PPFIA4: variants seen among roughly 807,000 people sequenced by gnomAD.
PPFIA4 encodes the protein liprin-alpha-4.
PPFIA4 carries 98 observed loss-of-function variants against 145.7 expected under a neutral mutation model. The observed-to-expected ratio is 0.67, with a 90% CI of 0.57 to 0.80. PPFIA4 has a LOEUF of 0.80. PPFIA4 is among the 30% of genes least tolerant of loss of function. PPFIA4 has a pLI of 0.00. For missense variants in PPFIA4, 1,457 were observed against 1,632.7 expected, an observed-to-expected ratio of 0.89 and a Z score of 1.85; for synonymous variants, 628 against 649.6, an observed-to-expected ratio of 0.97 and a Z score of 0.51.
At chr1:203,045,662 C>G in intron 7 of PPFIA4, 103 bp downstream of exon 7, 1 of 1,451,306 alleles carries the variant, frequency 6.9e-7, no homozygotes, top group Admixed American at 2.2e-5. Context: ...TGCCTCCTTG[C>G]CTGGCTCCAT....
At chr1:203,071,602 C>T in intron 27 of PPFIA4, 90 bp from the exon 28 acceptor site, 1 of 1,064,718 alleles carries the variant, frequency 9.4e-7, no homozygotes, top group Admixed American at 2.0e-5. Context: ...CATCTCTGAC[C>T]TTGGACCCTT....
intron 9 of PPFIA4, 190 bp downstream of exon 9, chr1:203,046,572 C>A (rs1571687677): frequency 1.7e-6 from 1 of 583,496 alleles, no homozygotes; most frequent in Non-Finnish European, 2.9e-6. Context: ...GTCCTCATCA[C>A]CCTGCAGGGA....
In PPFIA4 at chr1:203,076,868, A is replaced by G. The variant is rs949572362; in HGVS notation, c.*478A>G. ...GTCTGGCTGTGCCAAATGGTCTGGC[A>G]GCTGGTTTTGGCATCCCCAGCATCA... On this transcript the variant is annotated 3_prime_UTR_variant, in exon 30 of 30. Transcript: ENST00000295706. 6.1e-6 allele frequency: 1 copy of G among 162,776 alleles called. No homozygotes were observed. The highest frequency in any genetic ancestry group is 2.4e-5 in the African/African-American group (1 of 41,686). The allele number at this position is 162,776 out of a possible 1,614,324, so 10.1% of individuals were successfully genotyped here.
At chr1:203,051,103 G>A (rs1660472898) in intron 13 of PPFIA4, 1 of 979,146 alleles carries the variant, frequency 1.0e-6, no homozygotes, top group Non-Finnish European at 1.2e-6. Context: ...AGTATCACTA[G>A]GGGAGGCTTC....
rs556078357 is a variant in PPFIA4, at chr1:203,076,771, T to A, written c.*381T>A. 20 of 292,744 alleles carry A rather than the reference T, an allele frequency of 6.8e-5. No individual in the cohort carries two copies. The highest frequency in any genetic ancestry group is 3.2e-4 in the African/African-American group (15 of 46,368). The allele number at this position is 292,744 out of a possible 1,614,324, so 18.1% of individuals were successfully genotyped here. ...CAGGATCCTGGGCCACAGGCTGGGA[T>A]GGTCCTTCCAAGAAAGGGTCATTTC... On this transcript the variant is annotated 3_prime_UTR_variant, in exon 30 of 30. Transcript: ENST00000295706.
intron 28 of PPFIA4, among the ~76,000 whole-genome samples, chr1:203,072,874 G>A (rs2102697513): frequency 6.6e-6 from 1 of 152,170 alleles, no homozygotes; most frequent in East Asian, 1.9e-4. Flanking sequence ...CTTTAAAGGG[G>A]CTAAACTGGC....
Position 203,043,821 on chromosome 1 carries a change from TG to T in PPFIA4, c.337-106del. The T allele has an allele frequency of 9.1e-7, 1 of 1,104,550 alleles. No individual in the cohort carries two copies. 68.4% of individuals were successfully genotyped at this position (1,104,550 alleles called of 1,614,324 possible). ...TGGAAGTATTTCAGTGTTTTCACAG[TG>T]GGGTGGCTGTAACTCATGTCTGCTC... On this transcript the variant is annotated intron_variant, in intron 3 of 29. Coordinates refer to ENST00000295706, the MANE Select transcript of PPFIA4 (RefSeq NM_001304331.2). This position sits in a 1 kb window ranked among gnomAD's most constrained non-coding sequence, Gnocchi z 4.4.
At chr1:203,071,298 T>C (rs1662140418) in intron 27 of PPFIA4, among the ~76,000 whole-genome samples, 1 of 151,334 alleles carries the variant, frequency 6.6e-6, no homozygotes, top group African/African-American at 2.4e-5. Flanking sequence ...GCCTCCCGAG[T>C]AGCTGGGACT....
intron 1 of PPFIA4, chr1:203,034,641 G>C: frequency 4.4e-6 from 2 of 456,680 alleles, no homozygotes; most frequent in South Asian, 3.1e-5. Context: ...GTGGAGGATG[G>C]GGCCTTCCAG....
At chr1:203,051,907 G>A in intron 14 of PPFIA4, 30 bp downstream of exon 14, 1 of 1,606,584 alleles carries the variant, frequency 6.2e-7, no homozygotes, top group Non-Finnish European at 8.5e-7. Flanking sequence ...TCCTCAGGGA[G>A]TTTGGGGTCA....
chr1:203,058,084 G>T (rs1661098585), intron 19 of PPFIA4, among the ~76,000 whole-genome samples: 1 of 152,190 alleles, frequency 6.6e-6, no homozygotes, highest in Admixed American at 6.5e-5. Context: ...GAGCATTGAT[G>T]AATTTCGTGC....
chr1:203,053,818 C>G lies in PPFIA4; in HGVS notation c.1686C>G (p.Asp562Glu). 6.4e-7 allele frequency: 1 copy of G among 1,553,436 alleles called. No individual in the cohort carries two copies. The highest frequency in any genetic ancestry group is 8.7e-7 in the Non-Finnish European group (1 of 1,148,000). The change falls in exon 15 of 30, where the codon GAC becomes GAG. Residue 562 changes from aspartate (D) to glutamate (E), a missense_variant. By Grantham distance (45) the Asp-to-Glu change is conservative. Coordinates refer to ENST00000295706, the MANE Select transcript of PPFIA4 (RefSeq NM_001304331.2). ...CAGCTGGCCCTGCCTTTGACAGTGACCCTGAGATCTCCGACGTGGATGAGG... is the reference window on the plus strand; with the variant it reads ...CAGCTGGCCCTGCCTTTGACAGTGAGCCTGAGATCTCCGACGTGGATGAGG... ...APAAGPAFDS[D>E]PEISDVDEDE...
In PPFIA4 at chr1:203,048,772, GA is replaced by G; in HGVS notation, c.1356+59del. 2 of 1,567,208 alleles carry G rather than the reference GA, an allele frequency of 1.3e-6. No individual in the cohort carries two copies. Among genetic ancestry groups the G allele is most frequent in the Non-Finnish European group, 1.7e-6 (2 of 1,152,808 alleles). On this transcript the variant is annotated intron_variant, in intron 11 of 29. Coordinates refer to ENST00000295706, the MANE Select transcript of PPFIA4 (RefSeq NM_001304331.2). This position sits in a 1 kb window ranked among gnomAD's most constrained non-coding sequence, Gnocchi z 5.8. ...GTTAGTGCTGGGTGTGGGGCGGGGG[GA>G]GGCGGGACTGTGATGGGCGCAGGCG...
chr1:203,033,990 G>A (rs1659030128), intron 1 of PPFIA4, among the ~76,000 whole-genome samples: 1 of 152,178 alleles, frequency 6.6e-6, no homozygotes, highest in South Asian at 2.1e-4. Flanking sequence ...ACGACTGTCA[G>A]CACAGGTCTG....
rs1235805585 is a variant in PPFIA4, at chr1:203,076,434, C to T, written c.*44C>T. On this transcript the variant is annotated 3_prime_UTR_variant, in exon 30 of 30. Coordinates refer to ENST00000295706, the MANE Select transcript of PPFIA4 (RefSeq NM_001304331.2). Reference sequence around the variant, plus strand: ...GCTTCCTCCTTCTGGGTTTCACAGGCTCCTCTGGCCCTGACCCCTCTTGCT... The same window carrying T: ...GCTTCCTCCTTCTGGGTTTCACAGGTTCCTCTGGCCCTGACCCCTCTTGCT... 8.3e-6 allele frequency: 13 copies of T among 1,569,924 alleles called. No individual in the cohort carries two copies. Among genetic ancestry groups the T allele is most frequent in the Non-Finnish European group, 1.1e-5 (13 of 1,146,182 alleles).
intron 25 of PPFIA4, among the ~76,000 whole-genome samples, chr1:203,064,559 T>C (rs1661603562): frequency 6.6e-6 from 1 of 152,232 alleles, no homozygotes; most frequent in South Asian, 2.1e-4. Flanking sequence ...GCGGCGCAGG[T>C]CCCAAACTGG....
chr1:203,046,690 G>A (rs375555632), intron 9 of PPFIA4, among the ~76,000 whole-genome samples: 24 of 145,678 alleles, frequency 1.6e-4, no homozygotes, highest in African/African-American at 5.6e-4. Flanking sequence ...CCTCTACACC[G>A]TCGTGGTGAA....
Position 203,038,964 on chromosome 1 carries a change from C to A in PPFIA4, c.-45C>A. ...CCCTGGAGGTGCCAACCCTGTGAGT[C>A]CCTCCCTGTCCCCTGACGCTGAGAA... is the stretch of plus-strand genomic sequence containing the variant. On this transcript the variant is annotated 5_prime_UTR_variant, in exon 2 of 30. Transcript: ENST00000295706. The A allele has an allele frequency of 1.8e-6, 2 of 1,091,884 alleles. No homozygotes were observed. The highest frequency in any genetic ancestry group is 2.6e-6 in the Non-Finnish European group (2 of 755,478). 67.6% of individuals were successfully genotyped at this position (1,091,884 alleles called of 1,614,324 possible).
At position 203,054,509 on chromosome 1, in the gene PPFIA4, C is replaced by T. The variant is rs538479218; in HGVS notation, c.1829+548C>T. On this transcript the variant is annotated intron_variant, in intron 15 of 29. Coordinates refer to ENST00000295706, the MANE Select transcript of PPFIA4 (RefSeq NM_001304331.2). ...ATCAAACAGAAACAGTGACAGGGAA[C>T]GTTGTGAAAACCTTCACTTTGTCCT... Among the ~76,000 whole-genome samples, 214 of 152,156 alleles carry T rather than the reference C, an allele frequency of 1.4e-3. 1 individual carries two copies. The highest frequency in any genetic ancestry group is 2.5e-3 in the Non-Finnish European group (173 of 68,036).
Sources: allele counts gnomAD v4.1 joint callset (sites outside exome capture counted in the v4.1 genomes callset), GRCh38; gene constraint gnomAD v4.1.1; non-coding constraint Gnocchi (gnomAD v3.1); transcripts MANE v1.5; gene names NCBI Gene and HGNC (gene_info 2026-07-23, HGNC 2026-07-21).